Variants in WDFY2 observed in about 807,000 individuals in gnomAD.
WDFY2 encodes the protein WD repeat and FYVE domain-containing protein 2.
Under a neutral mutation model 56.4 loss-of-function variants are expected in WDFY2, and 36 were observed. The ratio of observed to expected loss-of-function variants is 0.64; its 90% CI spans 0.49 to 0.84. The LOEUF is 0.84. WDFY2 is among the 40% of genes least tolerant of loss of function. The probability of loss-of-function intolerance (pLI) is 0.00; values close to 1 mark genes in which losing one functional copy is unlikely to be tolerated. For missense variants in WDFY2, 444 were observed against 512.2 expected, an observed-to-expected ratio of 0.87 and a Z score of 1.29; for synonymous variants, 176 against 183.7, an observed-to-expected ratio of 0.96 and a Z score of 0.34.
chr13:51,745,808 T>C (rs533941445), intron 7 of WDFY2, among the ~76,000 whole-genome samples: 1 of 147,710 alleles, frequency 6.8e-6, no homozygotes, highest in African/African-American at 2.5e-5. Context: ...TTTATATTGG[T>C]ACAGTAAAGA....
At chr13:51,643,171 A>G (rs562366735) in intron 1 of WDFY2, among the ~76,000 whole-genome samples, 5 of 152,136 alleles carry the variant, frequency 3.3e-5, no homozygotes, top group Admixed American at 1.3e-4. Flanking sequence ...TGCAACCATC[A>G]CCACTGTCCA....
intron 6 of WDFY2, among the ~76,000 whole-genome samples, chr13:51,728,269 C>T (rs1439343415): frequency 1.3e-5 from 2 of 152,184 alleles, no homozygotes; most frequent in East Asian, 3.8e-4. Flanking sequence ...GGTCAAGTTC[C>T]TCTCCAACTT....
At chr13:51,756,199 T>A in intron 9 of WDFY2, 133 bp from the exon 10 acceptor site, 1 of 1,317,422 alleles carries the variant, frequency 7.6e-7, no homozygotes, top group East Asian at 2.4e-5. Context: ...TTCCCTTTAG[T>A]TCTGGGGCTC....
At chr13:51,616,047 C>A (rs1022861034) in intron 1 of WDFY2, among the ~76,000 whole-genome samples, 2 of 152,158 alleles carry the variant, frequency 1.3e-5, no homozygotes, top group African/African-American at 4.8e-5. Context: ...AGTTCGGGAC[C>A]AGCCTAATCA....
At chr13:51,739,761 C>CT (rs1454162535) in intron 7 of WDFY2, among the ~76,000 whole-genome samples, 1 of 152,176 alleles carries the variant, frequency 6.6e-6, no homozygotes, top group Non-Finnish European at 1.5e-5. Context: ...CAGAGAATCT[C>CT]TGAGATGTCC....
intron 2 of WDFY2, among the ~76,000 whole-genome samples, chr13:51,663,928 A>C (rs965375095): frequency 6.6e-6 from 1 of 152,264 alleles, no homozygotes; most frequent in African/African-American, 2.4e-5. Flanking sequence ...TATTCTGTGC[A>C]TTTATTAAAA....
chr13:51,691,850 G>A (rs1329892725), intron 3 of WDFY2, among the ~76,000 whole-genome samples: 1 of 151,826 alleles, frequency 6.6e-6, no homozygotes, highest in Non-Finnish European at 1.5e-5. Flanking sequence ...TCTTCCATTT[G>A]TTTGTGTCCT....
chr13:51,711,983 A>G (rs1179933571), intron 4 of WDFY2, among the ~76,000 whole-genome samples: 1 of 152,224 alleles, frequency 6.6e-6, no homozygotes, highest in Non-Finnish European at 1.5e-5. Flanking sequence ...ATAAAGACAC[A>G]TGTACACGTA....
chr13:51,714,116 A>G (rs1055227341), intron 4 of WDFY2, among the ~76,000 whole-genome samples: 1 of 151,860 alleles, frequency 6.6e-6, no homozygotes, highest in Non-Finnish European at 1.5e-5. Flanking sequence ...TGTTATGTAT[A>G]TTTTAATACA....
intron 3 of WDFY2, among the ~76,000 whole-genome samples, chr13:51,685,554 A>C (rs1485191372): frequency 6.6e-6 from 1 of 152,166 alleles, no homozygotes; most frequent in Non-Finnish European, 1.5e-5. Flanking sequence ...AGAAAATGTG[A>C]CTAAGAAAAT....
chr13:51,665,451 A>G (rs1193742409), intron 2 of WDFY2, among the ~76,000 whole-genome samples: 2 of 152,222 alleles, frequency 1.3e-5, no homozygotes, highest in Non-Finnish European at 2.9e-5. Context: ...CCACAGTTGG[A>G]TCACACTATA....
chr13:51,636,349 C>A (rs1955050993), intron 1 of WDFY2, among the ~76,000 whole-genome samples: 1 of 152,158 alleles, frequency 6.6e-6, no homozygotes, highest in South Asian at 2.1e-4. Context: ...TGGTTATTAT[C>A]AAAACAGGCC....
rs115286519 is a variant in WDFY2, at chr13:51,703,500, G to A, written c.280-96G>A. ...CAAAATACTAATGTTGGATGTAATC[G>A]TCATGACAATTCGCTTTATTCAGTC... On this transcript the variant is annotated intron_variant, in intron 3 of 11. Transcript: ENST00000298125. The A allele has an allele frequency of 2.1e-3, 1,894 of 897,618 alleles. 22 individuals are homozygous for A. In the African/African-American group the frequency reaches 0.029, roughly 14 times the overall value. The allele number at this position is 897,618 out of a possible 1,614,324, so 55.6% of individuals were successfully genotyped here. A position where few individuals can be genotyped will look rare whatever the true frequency, so the allele number is the denominator to read the frequency against.
rs1198222709 is a variant in WDFY2, at chr13:51,765,832, C to CCAT, written c.*6065_*6067dup. 22 of 152,118 alleles carry CCAT rather than the reference C, an allele frequency of 1.4e-4. No homozygotes were observed. The highest frequency in any genetic ancestry group is 4.8e-4 in the African/African-American group (20 of 41,402). 9.4% of individuals were successfully genotyped at this position (152,118 alleles called of 1,614,324 possible). Reference sequence around the variant, plus strand: ...GTAAGGGTGGAAATTAATCATGGTACCATCTCATTAAAAATAGATACCTCA... The same window carrying CCAT: ...GTAAGGGTGGAAATTAATCATGGTACCATCATCTCATTAAAAATAGATACCTCA... On this transcript the variant is annotated 3_prime_UTR_variant, in exon 12 of 12. Coordinates refer to ENST00000298125, the MANE Select transcript of WDFY2 (RefSeq NM_052950.4).
chr13:51,702,381 A>C (rs896153162), intron 3 of WDFY2, among the ~76,000 whole-genome samples: 6 of 152,136 alleles, frequency 3.9e-5, no homozygotes, highest in African/African-American at 1.4e-4. Context: ...CAAGAAGTGG[A>C]TGTAGTGCCA....
chr13:51,756,213 T>C, intron 9 of WDFY2, 119 bp from the exon 10 acceptor site: 1 of 1,427,452 alleles, frequency 7.0e-7, no homozygotes, highest in East Asian at 2.3e-5. Context: ...GGGGCTCTCT[T>C]GTTCAGCATC....
At chr13:51,649,867 G>C (rs1484293119) in intron 1 of WDFY2, among the ~76,000 whole-genome samples, 1 of 152,082 alleles carries the variant, frequency 6.6e-6, no homozygotes, top group Non-Finnish European at 1.5e-5. Context: ...CTCCAGCTTT[G>C]TTCTTTTGGT....
intron 4 of WDFY2, among the ~76,000 whole-genome samples, chr13:51,706,910 A>T (rs1172099924): frequency 2.6e-5 from 4 of 152,238 alleles, no homozygotes; most frequent in Non-Finnish European, 5.9e-5. Flanking sequence ...ATCTTAGATA[A>T]TGATCAACAA....
chr13:51,738,816 CT>C (rs1247314066), intron 6 of WDFY2, among the ~76,000 whole-genome samples: 5 of 151,982 alleles, frequency 3.3e-5, no homozygotes, highest in Non-Finnish European at 7.4e-5. Context: ...TTCTTTTGGT[CT>C]TTACAGTAAT....
Sources: allele counts gnomAD v4.1 joint callset (sites outside exome capture counted in the v4.1 genomes callset), GRCh38; gene constraint gnomAD v4.1.1; transcripts MANE v1.5; gene names NCBI Gene and HGNC (gene_info 2026-07-23, HGNC 2026-07-21).